The following ARHGAP10 variants were observed in gnomAD, a reference collection of about 807,000 sequenced individuals.
The protein encoded by ARHGAP10 is rho GTPase-activating protein 10.
ARHGAP10 carries 87 observed loss-of-function variants against 108.6 expected under a neutral mutation model. The ratio of observed to expected loss-of-function variants is 0.80; its 90% CI spans 0.67 to 0.96. The LOEUF is 0.96. Ranked by LOEUF, ARHGAP10 falls within the 40% of genes least tolerant of loss-of-function variation. ARHGAP10 has a pLI of 0.00. For missense variants in ARHGAP10, 939 were observed against 954.5 expected, an observed-to-expected ratio of 0.98 and a Z score of 0.21; for synonymous variants, 347 against 341.1, an observed-to-expected ratio of 1.02 and a Z score of -0.19.
intron 1 of ARHGAP10, among the ~76,000 whole-genome samples, chr4:147,788,109 A>G (rs1420981681): frequency 6.7e-6 from 1 of 148,696 alleles, no homozygotes; most frequent in Non-Finnish European, 1.5e-5. Context: ...CATGGACACC[A>G]TAAATAGCTC....
chr4:148,064,570 G>A lies in ARHGAP10; in HGVS notation c.2272+63G>A, dbSNP rs1235933143. On this transcript the variant is annotated intron_variant, in intron 22 of 22. Coordinates refer to ENST00000336498, the MANE Select transcript of ARHGAP10 (RefSeq NM_024605.4). ...CGCAGGATTAATAAGTCTGCAGCAT[G>A]GAGTGAGCAGTCAGCGATGGTGCTG... is the stretch of plus-strand genomic sequence containing the variant. 1.6e-5 allele frequency: 22 copies of A among 1,396,938 alleles called. 1 individual carries two copies. In the South Asian group the frequency reaches 1.7e-4, roughly 11 times the overall value. The allele number at this position is 1,396,938 out of a possible 1,614,324, so 86.5% of individuals were successfully genotyped here.
intron 20 of ARHGAP10, among the ~76,000 whole-genome samples, chr4:148,062,124 G>C (rs1393520289): frequency 6.6e-6 from 1 of 152,218 alleles, no homozygotes; most frequent in Non-Finnish European, 1.5e-5. Context: ...GTGAGCAGGT[G>C]CAGGAGCATT....
At chr4:147,970,472 G>T (rs1379669343) in intron 18 of ARHGAP10, among the ~76,000 whole-genome samples, 5 of 152,126 alleles carry the variant, frequency 3.3e-5, no homozygotes, top group African/African-American at 1.2e-4. Flanking sequence ...GGGAGGAAAG[G>T]AAGAGGCCTA....
chr4:147,906,952 G>C (rs747931937), intron 11 of ARHGAP10, among the ~76,000 whole-genome samples: 2 of 152,138 alleles, frequency 1.3e-5, no homozygotes, highest in Non-Finnish European at 2.9e-5. Context: ...TTGCCACTCT[G>C]ATTTGCTTTG....
intron 4 of ARHGAP10, among the ~76,000 whole-genome samples, chr4:147,848,353 C>T (rs1299077368): frequency 6.6e-6 from 1 of 152,256 alleles, no homozygotes; most frequent in Non-Finnish European, 1.5e-5. Context: ...GGGGCACCAC[C>T]CCAGGCTCCT....
At chr4:147,806,131 C>G (rs1731774938) in intron 1 of ARHGAP10, among the ~76,000 whole-genome samples, 1 of 152,134 alleles carries the variant, frequency 6.6e-6, no homozygotes. Flanking sequence ...GTGACTGAAT[C>G]CAGGCAGGGC....
intron 1 of ARHGAP10, among the ~76,000 whole-genome samples, chr4:147,754,299 C>T (rs1174750245): frequency 6.6e-6 from 1 of 152,218 alleles, no homozygotes; most frequent in Admixed American, 6.5e-5. Flanking sequence ...TAAGTAACTC[C>T]ATACCATTTG....
At chr4:147,776,303 T>C (rs192869846) in intron 1 of ARHGAP10, among the ~76,000 whole-genome samples, 64 of 152,160 alleles carry the variant, frequency 4.2e-4, no homozygotes, top group Non-Finnish European at 1.8e-4. Flanking sequence ...CACTGCAACC[T>C]CTGCCTCCTG....
chr4:147,989,806 C>T (rs1271172346), intron 18 of ARHGAP10, among the ~76,000 whole-genome samples: 5 of 152,040 alleles, frequency 3.3e-5, no homozygotes, highest in African/African-American at 1.2e-4. Context: ...ACATCCTTCT[C>T]GGCTGACAGG....
intron 1 of ARHGAP10, among the ~76,000 whole-genome samples, chr4:147,815,199 A>C (rs1732188196): frequency 1.3e-5 from 2 of 152,126 alleles, no homozygotes; most frequent in Non-Finnish European, 2.9e-5. Flanking sequence ...TGCTCTCAAC[A>C]CATCTCTGGG....
chr4:148,047,194 G>A, intron 20 of ARHGAP10, 143 bp downstream of exon 20: 1 of 989,816 alleles, frequency 1.0e-6, no homozygotes, highest in Non-Finnish European at 1.4e-6. Context: ...GGCCACCAAA[G>A]GGAGAAGGGT....
chr4:147,759,854 T>G lies in ARHGAP10; in HGVS notation c.154+27399T>G, dbSNP rs553820027. Among the ~76,000 whole-genome samples, 5 of 152,318 alleles carry G rather than the reference T, an allele frequency of 3.3e-5. No homozygotes were observed. In the South Asian group the frequency reaches 8.3e-4, roughly 25 times the overall value. ...ACCCTCGCCTTCCAGGCTCAAGTGA[T>G]TCTCCTGCCTCAGCCTCCTGAGTAG... On this transcript the variant is annotated intron_variant, in intron 1 of 22. Transcript: ENST00000336498.
At chr4:148,037,123 A>G (rs996798925) in intron 19 of ARHGAP10, among the ~76,000 whole-genome samples, 13 of 152,178 alleles carry the variant, frequency 8.5e-5, no homozygotes, top group Non-Finnish European at 1.5e-4. Flanking sequence ...GCTAATAATT[A>G]TTGGAGTACT....
At chr4:147,809,869 C>T (rs1239095678) in intron 1 of ARHGAP10, among the ~76,000 whole-genome samples, 1 of 152,118 alleles carries the variant, frequency 6.6e-6, no homozygotes, top group Non-Finnish European at 1.5e-5. Context: ...GATCTGGGAC[C>T]CAGGGCTTGG....
At chr4:147,811,637 A>AG (rs1170159194) in intron 1 of ARHGAP10, among the ~76,000 whole-genome samples, 1 of 150,008 alleles carries the variant, frequency 6.7e-6, no homozygotes, top group Non-Finnish European at 1.5e-5. Context: ...TTTTCTTTTG[A>AG]GGGGGGAGCT....
chr4:147,943,390 A>G (rs1457709031), intron 14 of ARHGAP10, among the ~76,000 whole-genome samples: 1 of 152,232 alleles, frequency 6.6e-6, no homozygotes, highest in African/African-American at 2.4e-5. Context: ...GATTGGGGAA[A>G]AAAGTGAACT....
At chr4:147,784,199 A>G (rs1730705444) in intron 1 of ARHGAP10, among the ~76,000 whole-genome samples, 1 of 117,974 alleles carries the variant, frequency 8.5e-6, no homozygotes, top group Non-Finnish European at 1.7e-5. Context: ...TAAATTGTGT[A>G]TTATATATTT....
chr4:147,748,506 CTTATA>C (rs1204157778), intron 1 of ARHGAP10, among the ~76,000 whole-genome samples: 3 of 152,132 alleles, frequency 2.0e-5, no homozygotes, highest in Non-Finnish European at 4.4e-5. Flanking sequence ...GAGGGTAGAT[CTTATA>C]TTAAGTGCTC....
At position 147,934,399 on chromosome 4, in the gene ARHGAP10, T is replaced by G. The variant is rs144923912; in HGVS notation, c.1229-5426T>G. Among the ~76,000 whole-genome samples the G allele has an allele frequency of 5.0e-3, 761 of 152,308 alleles. 9 individuals are homozygous for G. The highest frequency in any genetic ancestry group is 0.017 in the African/African-American group (714 of 41,574). On this transcript the variant is annotated intron_variant, in intron 13 of 22. Coordinates refer to ENST00000336498, the MANE Select transcript of ARHGAP10 (RefSeq NM_024605.4). Reference sequence around the variant, plus strand: ...TCCTGAGATTCCCACAGAGAGACTTTGATGGTGGATGGATGCAGAATTCTT... The same window carrying G: ...TCCTGAGATTCCCACAGAGAGACTTGGATGGTGGATGGATGCAGAATTCTT...
Sources: allele counts gnomAD v4.1 joint callset (sites outside exome capture counted in the v4.1 genomes callset), GRCh38; gene constraint gnomAD v4.1.1; transcripts MANE v1.5; gene names NCBI Gene and HGNC (gene_info 2026-07-23, HGNC 2026-07-21).